The following DCC variants were observed in gnomAD, a reference collection of about 807,000 sequenced individuals.
DCC encodes DCC netrin 1 receptor.
A neutral mutation model predicts 172.5 loss-of-function variants in DCC; 58 were observed. The ratio of observed to expected loss-of-function variants is 0.34; its 90% confidence interval spans 0.27 to 0.42. DCC has a LOEUF of 0.42. Among genes scored for constraint, DCC ranks in the 10% least tolerant of loss-of-function variants. The probability of loss-of-function intolerance (pLI) is 1.00; values close to 1 mark genes in which losing one functional copy is unlikely to be tolerated. For missense variants in DCC, 1,740 were observed against 1,791.0 expected (o/e 0.97, Z 0.51); for synonymous variants, 709 against 644.5 (o/e 1.10, Z -1.52).
chr18:53,267,571 C>G (rs2056695587), intron 12 of DCC, among the ~76,000 whole-genome samples: 1 of 152,102 alleles, frequency 6.6e-6, no homozygotes, highest in Non-Finnish European at 1.5e-5. Context: ...CCTCAACCTC[C>G]TGGGCTCAAT....
chr18:53,193,611 G>C (rs1185890011), intron 9 of DCC, among the ~76,000 whole-genome samples: 1 of 152,036 alleles, frequency 6.6e-6, no homozygotes, highest in Admixed American at 6.6e-5. Flanking sequence ...ACCCTTTACT[G>C]CTGGTCTCTG....
intron 5 of DCC, among the ~76,000 whole-genome samples, chr18:53,034,485 T>C (rs1347327110): frequency 6.6e-6 from 1 of 152,052 alleles, no homozygotes; most frequent in Non-Finnish European, 1.5e-5. Context: ...ACAAATCCCA[T>C]TGACTCTAAT....
intron 1 of DCC, among the ~76,000 whole-genome samples, chr18:52,677,818 C>T (rs1328079075): frequency 2.6e-5 from 4 of 152,166 alleles, no homozygotes; most frequent in African/African-American, 9.7e-5. Context: ...ACAGGAGTGT[C>T]TCAAAAGGCT....
At chr18:52,797,185 T>C (rs1162346113) in intron 2 of DCC, among the ~76,000 whole-genome samples, 1 of 152,206 alleles carries the variant, frequency 6.6e-6, no homozygotes, top group Non-Finnish European at 1.5e-5. Context: ...GATTTATTTG[T>C]ATTGTTGGTG....
At chr18:52,644,472 G>A (rs1204851414) in intron 1 of DCC, among the ~76,000 whole-genome samples, 1 of 151,904 alleles carries the variant, frequency 6.6e-6, no homozygotes, top group African/African-American at 2.4e-5. Flanking sequence ...CCAGCTACTA[G>A]GGAGGCTGAG....
intron 22 of DCC, among the ~76,000 whole-genome samples, chr18:53,437,211 G>C (rs927801686): frequency 1.3e-5 from 2 of 152,100 alleles, no homozygotes; most frequent in Non-Finnish European, 2.9e-5. Flanking sequence ...GTCCCTGGTA[G>C]GTATTTGACT....
intron 2 of DCC, among the ~76,000 whole-genome samples, chr18:52,890,600 A>G (rs116744969): frequency 0.014 from 2,057 of 152,248 alleles, 35 homozygotes; most frequent in African/African-American, 0.047. Context: ...CATACCTCAC[A>G]TATCACTCAT....
intron 9 of DCC, among the ~76,000 whole-genome samples, chr18:53,183,220 G>C (rs891756678): frequency 3.3e-5 from 5 of 152,072 alleles, no homozygotes; most frequent in African/African-American, 1.2e-4. Flanking sequence ...GTTTCTAAAA[G>C]TGCATACATT....
intron 7 of DCC, among the ~76,000 whole-genome samples, chr18:53,077,520 A>G (rs1011795963): frequency 6.6e-6 from 1 of 152,046 alleles, no homozygotes; most frequent in Non-Finnish European, 1.5e-5. Flanking sequence ...AATGTAATTC[A>G]CCCCATGAAC....
At chr18:53,215,471 C>G (rs2055831371) in intron 11 of DCC, 77 bp from the exon 12 acceptor site, 9 of 1,169,106 alleles carry the variant, frequency 7.7e-6, no homozygotes, top group Non-Finnish European at 1.2e-5. Context: ...AAACCACACT[C>G]TCTTTTTACT....
At chr18:52,441,223 C>T (rs1457467867) in intron 1 of DCC, among the ~76,000 whole-genome samples, 2 of 152,080 alleles carry the variant, frequency 1.3e-5, no homozygotes, top group Admixed American at 6.6e-5. Flanking sequence ...TTTTAAGAAA[C>T]AGCAATTCTT....
chr18:53,195,702 G>A (rs574729799), intron 9 of DCC, among the ~76,000 whole-genome samples: 11 of 152,106 alleles, frequency 7.2e-5, no homozygotes, highest in South Asian at 4.2e-4. Flanking sequence ...GTCCTGTCTC[G>A]TCGGATTCAT....
At chr18:52,487,055 T>C (rs993845053) in intron 1 of DCC, among the ~76,000 whole-genome samples, 19 of 152,152 alleles carry the variant, frequency 1.2e-4, no homozygotes, top group Non-Finnish European at 1.0e-4. Flanking sequence ...ACTGAGTTAA[T>C]AATCGTTTTT....
intron 8 of DCC, among the ~76,000 whole-genome samples, chr18:53,175,536 GACAA>G (rs1235582169): frequency 1.3e-5 from 2 of 148,776 alleles, no homozygotes; most frequent in South Asian, 2.2e-4. Flanking sequence ...ACCAACAACA[GACAA>G]ACAGAGAGCC....
chr18:53,294,890 G>A lies in DCC; in HGVS notation c.1912-10688G>A, dbSNP rs181527973. Among the ~76,000 whole-genome samples the A allele has an allele frequency of 1.6e-4, 25 of 152,298 alleles. No individual in the cohort carries two copies. In the East Asian group the frequency reaches 4.4e-3, roughly 27 times the overall value. ...GAGAACCAGGGGCCAGCAGGGCAAA[G>A]ATAAAGATTAGATTGTTTTACAACT... On this transcript the variant is annotated intron_variant, in intron 12 of 28. Transcript: ENST00000442544.
At chr18:53,505,018 T>C (rs918496457) in intron 27 of DCC, among the ~76,000 whole-genome samples, 28 of 152,052 alleles carry the variant, frequency 1.8e-4, no homozygotes, top group African/African-American at 6.3e-4. Context: ...AGTGACTTTT[T>C]CCCCCCCTAA....
intron 5 of DCC, among the ~76,000 whole-genome samples, chr18:52,939,494 A>C (rs2040428956): frequency 6.6e-6 from 1 of 152,146 alleles, no homozygotes; most frequent in Non-Finnish European, 1.5e-5. Context: ...TGTTTTACTT[A>C]CTATGTCCCC....
intron 5 of DCC, among the ~76,000 whole-genome samples, chr18:53,018,738 C>T (rs1205347749): frequency 6.6e-6 from 1 of 152,100 alleles, no homozygotes; most frequent in Non-Finnish European, 1.5e-5. Context: ...TAACATAGTG[C>T]ATACTGAAGA....
intron 1 of DCC, among the ~76,000 whole-genome samples, chr18:52,611,515 T>C (rs1034169313): frequency 6.6e-6 from 1 of 152,212 alleles, no homozygotes; most frequent in Non-Finnish European, 1.5e-5. Context: ...GGGTAAAATG[T>C]CCTGACTGGC....
Sources: allele counts gnomAD v4.1 joint callset (sites outside exome capture counted in the v4.1 genomes callset), GRCh38; gene constraint gnomAD v4.1.1; transcripts MANE v1.5; gene names NCBI Gene and HGNC (gene_info 2026-07-23, HGNC 2026-07-21).